The following SPATS2 variants were observed in gnomAD, a reference collection of about 807,000 sequenced individuals.
SPATS2 encodes the protein spermatogenesis associated serine rich 2.
A neutral mutation model predicts 63.7 loss-of-function variants in SPATS2; 38 were observed. That is an observed-to-expected ratio of 0.60 (90% CI 0.46 to 0.78). The LOEUF (loss-of-function observed/expected upper bound fraction) is 0.78. Among genes scored for constraint, SPATS2 ranks in the 30% least tolerant of loss-of-function variants. SPATS2 has a pLI of 0.00. For missense variants in SPATS2, 588 were observed against 666.2 expected (o/e 0.88, Z 1.29); for synonymous variants, 207 against 232.9 (o/e 0.89, Z 1.01).
intron 3 of SPATS2, among the ~76,000 whole-genome samples, chr12:49,479,717 C>T (rs1946174704): frequency 6.6e-6 from 1 of 152,042 alleles, no homozygotes. Context: ...CTGCTGCAGC[C>T]AGTATGATGT....
intron 4 of SPATS2, among the ~76,000 whole-genome samples, chr12:49,487,377 G>A (rs992496272): frequency 1.3e-5 from 2 of 151,978 alleles, no homozygotes; most frequent in African/African-American, 4.8e-5. Flanking sequence ...TCTAATCCCA[G>A]CTACCTGGGA....
At chr12:49,491,936 G>A (rs1180377692) in intron 6 of SPATS2, among the ~76,000 whole-genome samples, 1 of 152,116 alleles carries the variant, frequency 6.6e-6, no homozygotes, top group East Asian at 1.9e-4. Flanking sequence ...TGTTTGGGGT[G>A]TTCTTTTCTT....
chr12:49,377,566 T>C (rs1210032812), intron 2 of SPATS2, among the ~76,000 whole-genome samples: 1 of 152,196 alleles, frequency 6.6e-6, no homozygotes, highest in Non-Finnish European at 1.5e-5. Flanking sequence ...ATTATTTCCA[T>C]TGTGAAATAG....
chr12:49,469,813 A>G (rs1157965260), intron 3 of SPATS2, among the ~76,000 whole-genome samples: 1 of 151,702 alleles, frequency 6.6e-6, no homozygotes, highest in Non-Finnish European at 1.5e-5. Flanking sequence ...GCTTGAACCC[A>G]GGAGGCAGAG....
chr12:49,420,919 A>T (rs962563577), intron 2 of SPATS2, among the ~76,000 whole-genome samples: 1 of 152,148 alleles, frequency 6.6e-6, no homozygotes, highest in African/African-American at 2.4e-5. Context: ...AGATGGGAGG[A>T]TTACTTGAAC....
chr12:49,408,373 C>T (rs1310658015), intron 2 of SPATS2, among the ~76,000 whole-genome samples: 1 of 151,694 alleles, frequency 6.6e-6, no homozygotes, highest in African/African-American at 2.4e-5. Context: ...CTGCCTCAGT[C>T]TCCCGAGTAG....
At chr12:49,437,103 C>G (rs1255361225) in intron 2 of SPATS2, among the ~76,000 whole-genome samples, 1 of 152,050 alleles carries the variant, frequency 6.6e-6, no homozygotes, top group African/African-American at 2.4e-5. Flanking sequence ...GGGCTCCTCA[C>G]TTTTCAGACG....
At chr12:49,404,326 G>T (rs1399639082) in intron 2 of SPATS2, among the ~76,000 whole-genome samples, 4 of 139,262 alleles carry the variant, frequency 2.9e-5, no homozygotes, top group African/African-American at 5.4e-5. Flanking sequence ...TTGCTCTGTT[G>T]CCTAGACTGG....
At chr12:49,395,380 C>A (rs1272281506) in intron 2 of SPATS2, among the ~76,000 whole-genome samples, 1 of 150,392 alleles carries the variant, frequency 6.6e-6, no homozygotes. Context: ...AAGTAAATAT[C>A]TTTGTGTTGT....
chr12:49,474,679 T>C (rs1946090484), intron 3 of SPATS2, among the ~76,000 whole-genome samples: 1 of 152,262 alleles, frequency 6.6e-6, no homozygotes, highest in African/African-American at 2.4e-5. Context: ...TATTCTGTAC[T>C]GATCTTAGTT....
At chr12:49,421,558 A>G (rs1944984855) in intron 2 of SPATS2, among the ~76,000 whole-genome samples, 1 of 152,286 alleles carries the variant, frequency 6.6e-6, no homozygotes, top group Admixed American at 6.5e-5. Flanking sequence ...ACATTATGCA[A>G]TGCCTAGTTT....
intron 2 of SPATS2, among the ~76,000 whole-genome samples, chr12:49,422,780 C>T (rs936759112): frequency 2.0e-5 from 3 of 151,938 alleles, no homozygotes; most frequent in Non-Finnish European, 2.9e-5. Context: ...CATGTGGTGG[C>T]GTGTGCTTGT....
Position 49,506,802 on chromosome 12 carries a change from C to A in SPATS2, c.839+6597C>A, listed in dbSNP as rs59830021. Among the ~76,000 whole-genome samples, 346 of 151,966 alleles carry A rather than the reference C, an allele frequency of 2.3e-3. 1 individual carries two copies. The highest frequency in any genetic ancestry group is 7.8e-3 in the African/African-American group (325 of 41,410). Reference sequence around the variant, plus strand: ...GGGCCATGATCTTGCCACTGTACTCCCACGCTGGGTGACAGAGCAAGACCC... The same window carrying A: ...GGGCCATGATCTTGCCACTGTACTCACACGCTGGGTGACAGAGCAAGACCC... On this transcript the variant is annotated intron_variant, in intron 9 of 13. Transcript: ENST00000552918.
At chr12:49,496,421 T>C (rs548106143) in intron 7 of SPATS2, among the ~76,000 whole-genome samples, 2 of 152,324 alleles carry the variant, frequency 1.3e-5, no homozygotes, top group Admixed American at 1.3e-4. Flanking sequence ...CCCCTAAAGC[T>C]TTTTAAATTC....
At chr12:49,396,872 C>G (rs1261912779) in intron 2 of SPATS2, among the ~76,000 whole-genome samples, 1 of 152,186 alleles carries the variant, frequency 6.6e-6, no homozygotes, top group African/African-American at 2.4e-5. Flanking sequence ...TATCATTTGT[C>G]TTCAGCTCTG....
rs554919186 is a variant in SPATS2, at chr12:49,520,727, A to ATTT, written c.1008+1558_1008+1560dup. Among the ~76,000 whole-genome samples the ATTT allele has an allele frequency of 4.4e-4, 63 of 143,286 alleles. No individual in the cohort carries two copies. The South Asian group carries it at 0.011, about 25-fold the overall frequency. 94.0% of individuals were successfully genotyped at this position (143,286 alleles called of 152,430 possible). A position where few individuals can be genotyped will look rare whatever the true frequency, so the allele number is the denominator to read the frequency against. ...TGGGTTCAACATTTATACCTTTTTA[A>ATTT]TTTTTTTTTTTTTTTGAGTCTCGCT... is the stretch of plus-strand genomic sequence containing the variant. On this transcript the variant is annotated intron_variant, in intron 11 of 13. Transcript: ENST00000552918.
chr12:49,368,875 A>C (rs1017531890), intron 1 of SPATS2, among the ~76,000 whole-genome samples: 38 of 152,302 alleles, frequency 2.5e-4, no homozygotes, highest in African/African-American at 9.1e-4. Context: ...GACATTAATC[A>C]GTTTGTATTT....
At chr12:49,425,460 C>T (rs1945057731) in intron 2 of SPATS2, among the ~76,000 whole-genome samples, 1 of 152,136 alleles carries the variant, frequency 6.6e-6, no homozygotes, top group Non-Finnish European at 1.5e-5. Flanking sequence ...GCTGGGACTA[C>T]AGGCGTGTGC....
At chr12:49,523,687 C>A (rs1464744185) in intron 12 of SPATS2, among the ~76,000 whole-genome samples, 1 of 152,128 alleles carries the variant, frequency 6.6e-6, no homozygotes, top group African/African-American at 2.4e-5. Context: ...CGCGGTGGCT[C>A]ATGCCTGTAA....
Sources: allele counts gnomAD v4.1 joint callset (sites outside exome capture counted in the v4.1 genomes callset), GRCh38; gene constraint gnomAD v4.1.1; transcripts MANE v1.5; gene names NCBI Gene and HGNC (gene_info 2026-07-23, HGNC 2026-07-21).